PIK3C2G: variants seen among roughly 807,000 people sequenced by gnomAD.
The protein encoded by PIK3C2G is phosphatidylinositol 3-kinase C2 domain-containing subunit gamma.
PIK3C2G carries 168 observed loss-of-function variants against 181.1 expected under a neutral mutation model. The ratio of observed to expected loss-of-function variants is 0.93; its 90% confidence interval spans 0.82 to 1.05. The LOEUF (loss-of-function observed/expected upper bound fraction) is 1.05, where lower values mean the gene tolerates loss of function less well. PIK3C2G is among the 50% of genes least tolerant of loss of function. PIK3C2G has a pLI of 0.00. For missense variants in PIK3C2G, 1,869 were observed against 1,732.8 expected (o/e 1.08, Z -1.40); for synonymous variants, 573 against 592.2 (o/e 0.97, Z 0.47).
intron 31 of PIK3C2G, among the ~76,000 whole-genome samples, chr12:18,621,522 A>G (rs541961611): frequency 1.1e-4 from 17 of 151,700 alleles, no homozygotes; most frequent in Non-Finnish European, 1.9e-4. Flanking sequence ...CAAAGATTAA[A>G]TATGTATAAC....
chr12:18,688,044 A>T, the PIK3C2G span: 29 of 1,601,270 alleles, frequency 1.8e-5, no homozygotes, highest in Non-Finnish European at 2.4e-5. Flanking sequence ...AAGCTTTCCA[A>T]CAAGAAGTCT....
chr12:18,419,582 T>C (rs943230260), intron 16 of PIK3C2G, among the ~76,000 whole-genome samples: 1 of 152,184 alleles, frequency 6.6e-6, no homozygotes, highest in African/African-American at 2.4e-5. Context: ...TGCATGACGT[T>C]ATGCTGAGAT....
intron 18 of PIK3C2G, among the ~76,000 whole-genome samples, chr12:18,428,494 A>G (rs1487904304): frequency 6.6e-6 from 1 of 152,136 alleles, no homozygotes; most frequent in African/African-American, 2.4e-5. Flanking sequence ...TCTCACTAAC[A>G]TGACCAATTA....
chr12:18,299,533 T>G (rs1255869939), intron 5 of PIK3C2G, among the ~76,000 whole-genome samples: 12 of 152,036 alleles, frequency 7.9e-5, no homozygotes, highest in South Asian at 4.1e-4. Context: ...TGCTTTTTAT[T>G]TATATATTTT....
intron 29 of PIK3C2G, among the ~76,000 whole-genome samples, chr12:18,592,699 A>G (rs766615438): frequency 8.6e-5 from 13 of 151,912 alleles, no homozygotes; most frequent in Non-Finnish European, 1.9e-4. Flanking sequence ...GTGTGAGTAT[A>G]TTTTGGGTGG....
At chr12:18,545,032 A>G (rs1270414712) in intron 25 of PIK3C2G, among the ~76,000 whole-genome samples, 1 of 151,790 alleles carries the variant, frequency 6.6e-6, no homozygotes, top group African/African-American at 2.4e-5. Flanking sequence ...ACACAATTAA[A>G]TCTCTTACTC....
intron 18 of PIK3C2G, among the ~76,000 whole-genome samples, chr12:18,441,412 A>G (rs920021276): frequency 2.0e-5 from 3 of 152,110 alleles, no homozygotes; most frequent in African/African-American, 7.2e-5. Flanking sequence ...TGCTTTTACA[A>G]TAGGAAAAAT....
chr12:18,397,472 G>A (rs2138103151), intron 15 of PIK3C2G, among the ~76,000 whole-genome samples: 1 of 151,958 alleles, frequency 6.6e-6, no homozygotes, highest in Non-Finnish European at 1.5e-5. Flanking sequence ...AAAAAAATTG[G>A]GAAAATACAT....
chr12:18,420,394 C>T (rs12227861), intron 16 of PIK3C2G, among the ~76,000 whole-genome samples: 34,790 of 151,996 alleles, frequency 0.23, 4,200 homozygotes, highest in Admixed American at 0.34. Context: ...AGGCAAATGC[C>T]ATCCAAAAAT....
rs1264593159 is a variant in PIK3C2G at position 18,599,648 on chromosome 12, T to C, written c.4087+5079T>C. On this transcript the variant is annotated intron_variant, in intron 30 of 32. Transcript: ENST00000538779. ...ATGTACCCTAAAACTTAAAGTATAA[T>C]AATAAATGAATGAATAAATAAATAA... Among the ~76,000 whole-genome samples, 6 of 144,920 alleles carry C rather than the reference T, an allele frequency of 4.1e-5. No homozygotes were observed. The East Asian group carries it at 1.2e-3, about 29-fold the overall frequency.
At chr12:18,462,939 AT>A (rs138122681) in intron 18 of PIK3C2G, among the ~76,000 whole-genome samples, 18,779 of 152,092 alleles carry the variant, frequency 0.12, 1,191 homozygotes, top group African/African-American at 0.14. Context: ...TTTAAAAAAA[AT>A]AAGTGCTATA....
At chr12:18,693,421 GTA>G in the PIK3C2G span, 1 of 1,604,310 alleles carries the variant, frequency 6.2e-7, no homozygotes, top group Non-Finnish European at 8.5e-7. Flanking sequence ...GAAGAGATGG[GTA>G]TAAAGCCTCC....
intron 24 of PIK3C2G, among the ~76,000 whole-genome samples, chr12:18,526,022 C>T (rs1176961299): frequency 6.6e-6 from 1 of 152,084 alleles, no homozygotes; most frequent in Non-Finnish European, 1.5e-5. Flanking sequence ...TGTTTATAAT[C>T]ATTTTGATAT....
chr12:18,373,021 A>C (rs1412625060), intron 13 of PIK3C2G, among the ~76,000 whole-genome samples: 1 of 152,224 alleles, frequency 6.6e-6, no homozygotes, highest in African/African-American at 2.4e-5. Flanking sequence ...CATTTTTCAA[A>C]AAAAACCTGT....
intron 24 of PIK3C2G, among the ~76,000 whole-genome samples, chr12:18,512,453 T>A (rs1242416413): frequency 2.0e-5 from 3 of 151,882 alleles, no homozygotes; most frequent in African/African-American, 7.2e-5. Flanking sequence ...ACACAGAAAA[T>A]CTTTTAAGTT....
At chr12:18,514,111 G>T (rs1286221515) in intron 24 of PIK3C2G, among the ~76,000 whole-genome samples, 1 of 151,762 alleles carries the variant, frequency 6.6e-6, no homozygotes, top group African/African-American at 2.4e-5. Context: ...TTATGAGCAT[G>T]TTGTTTAATT....
intron 1 of PIK3C2G, among the ~76,000 whole-genome samples, chr12:18,261,996 A>G (rs1208794165): frequency 6.6e-6 from 1 of 152,076 alleles, no homozygotes; most frequent in Middle Eastern, 3.2e-3. Flanking sequence ...ACTAGCTTGT[A>G]GACGGCATCC....
intron 20 of PIK3C2G, among the ~76,000 whole-genome samples, chr12:18,495,525 T>C (rs1940934269): frequency 6.6e-6 from 1 of 152,142 alleles, no homozygotes; most frequent in Non-Finnish European, 1.5e-5. Flanking sequence ...GTATCTTATA[T>C]CCGTTAGTTC....
At chr12:18,577,234 T>C (rs1348462666) in intron 29 of PIK3C2G, among the ~76,000 whole-genome samples, 1 of 152,172 alleles carries the variant, frequency 6.6e-6, no homozygotes, top group Admixed American at 6.5e-5. Context: ...GAGAAGGTTT[T>C]TTGTAAAGGT....
Sources: allele counts gnomAD v4.1 joint callset (sites outside exome capture counted in the v4.1 genomes callset), GRCh38; gene constraint gnomAD v4.1.1; transcripts MANE v1.5; gene names NCBI Gene and HGNC (gene_info 2026-07-23, HGNC 2026-07-21).